Variants in MTF2 observed in about 807,000 individuals in gnomAD.
The protein encoded by MTF2 is metal-response element-binding transcription factor 2.
A neutral mutation model predicts 79.5 loss-of-function variants in MTF2; 11 were observed. The ratio of observed to expected loss-of-function variants is 0.14; its 90% CI spans 0.09 to 0.23. The LOEUF (loss-of-function observed/expected upper bound fraction) is 0.23, where lower values mean the gene tolerates loss of function less well. Ranked by LOEUF, MTF2 falls within the 10% of genes least tolerant of loss-of-function variation. The pLI is 1.00. For synonymous variants in MTF2, 208 were observed against 232.8 expected, an observed-to-expected ratio of 0.89 and a Z score of 0.97; for missense variants, 486 against 711.2, an observed-to-expected ratio of 0.68 and a Z score of 3.60.
intron 3 of MTF2, among the ~76,000 whole-genome samples, chr1:93,112,959 G>A (rs1159416659): frequency 1.3e-5 from 2 of 152,138 alleles, no homozygotes; most frequent in African/African-American, 2.4e-5. Flanking sequence ...CTCCCCTCGC[G>A]GGGCTGTTGT....
intron 11 of MTF2, among the ~76,000 whole-genome samples, chr1:93,132,509 C>T (rs1269704187): frequency 6.6e-6 from 1 of 152,050 alleles, no homozygotes; most frequent in African/African-American, 2.4e-5. Context: ...TAAGTTGTTC[C>T]TTTTAGTTTG....
chr1:93,127,245 C>A lies in MTF2; in HGVS notation c.935C>A (p.Pro312Gln). 6.2e-7 allele frequency: 1 copy of A among 1,612,008 alleles called. No homozygotes were observed. Among genetic ancestry groups the A allele is most frequent in the Non-Finnish European group, 8.5e-7 (1 of 1,178,436 alleles). ...GATACTTCACAGCTGGCAGACACAC[C>A]AAAATCTGAAAGATATGAGCATGTT... ...RLHPGELADT[P>Q]KSERYEHVLE... The change falls in exon 10 of 15, where the codon CCA becomes CAA. Residue 312 changes from proline to glutamine, a missense_variant. Transcript: ENST00000370298.
At position 93,136,542 on chromosome 1, in the gene MTF2, G is replaced by C. The variant is rs1424507891; in HGVS notation, c.1425-128G>C. 38 of 776,554 alleles carry C rather than the reference G, an allele frequency of 4.9e-5. No homozygotes were observed. The South Asian group carries it at 5.5e-4, about 11-fold the overall frequency. The allele number at this position is 776,554 out of a possible 1,614,324, so 48.1% of individuals were successfully genotyped here. A position where few individuals can be genotyped will look rare whatever the true frequency, so the allele number is the denominator to read the frequency against. ...CATTTATATAGCATTTATTGTTTGG[G>C]TTTGGCTCATTTTTATATCATCAAG... On this transcript the variant is annotated intron_variant, in intron 14 of 14. Coordinates refer to ENST00000370298, the MANE Select transcript of MTF2 (RefSeq NM_007358.4).
At chr1:93,114,838 T>G in intron 4 of MTF2, 55 bp downstream of exon 4, 2 of 1,417,284 alleles carry the variant, frequency 1.4e-6, no homozygotes, top group Non-Finnish European at 2.0e-6. Context: ...TGTTGAAGAT[T>G]AATGACTAAA....
chr1:93,096,307 C>T (rs1482696114), intron 1 of MTF2, among the ~76,000 whole-genome samples: 1 of 152,046 alleles, frequency 6.6e-6, no homozygotes, highest in African/African-American at 2.4e-5. Flanking sequence ...TCCTACTCTT[C>T]TCATTTTCAC....
intron 1 of MTF2, among the ~76,000 whole-genome samples, chr1:93,084,820 G>T (rs748386663): frequency 1.3e-5 from 2 of 152,116 alleles, no homozygotes; most frequent in Admixed American, 6.6e-5. Context: ...AGTGAACTAT[G>T]AGAGCTATGA....
At chr1:93,104,859 A>T (rs1196409838) in intron 1 of MTF2, among the ~76,000 whole-genome samples, 3 of 150,586 alleles carry the variant, frequency 2.0e-5, no homozygotes, top group African/African-American at 7.4e-5. Flanking sequence ...AGTGTGAATA[A>T]GAGACAGACA....
intron 9 of MTF2, among the ~76,000 whole-genome samples, chr1:93,124,223 C>T (rs1484498567): frequency 2.0e-5 from 3 of 151,922 alleles, no homozygotes; most frequent in Admixed American, 2.0e-4. Flanking sequence ...TTGAGTGTAG[C>T]TGTTTGAGGA....
intron 1 of MTF2, among the ~76,000 whole-genome samples, chr1:93,098,683 A>G (rs778977385): frequency 2.0e-5 from 3 of 152,234 alleles, no homozygotes; most frequent in Admixed American, 6.5e-5. Flanking sequence ...ACAAATGTAT[A>G]TATGTTGGTT....
chr1:93,125,267 T>C (rs1656646650), intron 9 of MTF2, among the ~76,000 whole-genome samples: 1 of 151,694 alleles, frequency 6.6e-6, no homozygotes, highest in African/African-American at 2.4e-5. Flanking sequence ...CCTTGGTTTC[T>C]TTTTTGATAT....
rs755739276 is a variant in MTF2 at position 93,136,743 on chromosome 1, A to G, written c.1498A>G (p.Arg500Gly). Residue 500 changes from arginine to glycine, a missense_variant, in exon 15 of 15, where the codon AGA (arginine) becomes GGA (glycine). Physicochemically the swap from Arg to Gly is moderately radical, Grantham distance 125. This residue lies in a region of MTF2 where 209 missense variants were observed against 206.5 expected (regional missense o/e 1.01). Transcript: ENST00000370298. Reference sequence around the variant, plus strand: ...TGCAATACCACATTTGCGGAGAAGAAGAGGTCGTCTTCCAAGAAGAGCACT... The same window carrying G: ...TGCAATACCACATTTGCGGAGAAGAGGAGGTCGTCTTCCAAGAAGAGCACT... ...PAAIPHLRRR[R>G]GRLPRRALQT... is the part of the protein sequence containing the mutation. 6.2e-7 allele frequency: 1 copy of G among 1,614,222 alleles called. No homozygotes were observed. The highest frequency in any genetic ancestry group is 1.7e-5 in the Admixed American group (1 of 60,036).
rs12062154 is a variant in MTF2 at position 93,138,579 on chromosome 1, T to C, written c.*1552T>C. The C allele has an allele frequency of 0.28, 42,545 of 152,148 alleles. 6,825 individuals carry two copies. Among genetic ancestry groups the C allele is most frequent in the African/African-American group, 0.43 (17,944 of 41,460 alleles). The allele number at this position is 152,148 out of a possible 1,614,324, so 9.4% of individuals were successfully genotyped here. A position where few individuals can be genotyped will look rare whatever the true frequency, so the allele number is the denominator to read the frequency against. ...TAGCCAAAAGAAGCAGAGAACTTCA[T>C]TGTCTGCATTTGGTTCCTGGTTGGC... On this transcript the variant is annotated 3_prime_UTR_variant, in exon 15 of 15. Coordinates refer to ENST00000370298, the MANE Select transcript of MTF2 (RefSeq NM_007358.4).
intron 5 of MTF2, 72 bp from the exon 6 acceptor site, chr1:93,115,395 AGTC>A: frequency 8.6e-7 from 1 of 1,166,144 alleles, no homozygotes; most frequent in Non-Finnish European, 1.2e-6. Flanking sequence ...GAAGTGTCAG[AGTC>A]GTTTTTAAAG....
At chr1:93,129,187 A>G in intron 10 of MTF2, 91 bp from the exon 11 acceptor site, 1 of 870,702 alleles carries the variant, frequency 1.1e-6, no homozygotes, top group Non-Finnish European at 1.6e-6. Context: ...GCTTTCAAGT[A>G]TAAGGGCCTT....
Position 93,079,386 on chromosome 1 carries a change from C to T in MTF2, c.-141C>T, listed in dbSNP as rs1654497925. On this transcript the variant is annotated 5_prime_UTR_variant, in exon 1 of 15. Transcript: ENST00000370298. ...ACCCCCAACCCTTGTCTCCAAGGAC[C>T]TCGGTTTGTGCGTGCATATGTGCCG... The T allele has an allele frequency of 2.9e-6, 3 of 1,037,296 alleles. No individual in the cohort carries two copies. In the East Asian group the frequency reaches 7.2e-5, roughly 25 times the overall value. 64.3% of individuals were successfully genotyped at this position (1,037,296 alleles called of 1,614,324 possible).
intron 9 of MTF2, among the ~76,000 whole-genome samples, chr1:93,126,122 A>G (rs1008118811): frequency 6.6e-6 from 1 of 150,872 alleles, no homozygotes; most frequent in Non-Finnish European, 1.5e-5. Flanking sequence ...TGGTGGTTTG[A>G]TATAGGGGAA....
At chr1:93,080,764 CTTT>C (rs34251431) in intron 1 of MTF2, among the ~76,000 whole-genome samples, 5 of 136,744 alleles carry the variant, frequency 3.7e-5, no homozygotes, top group Non-Finnish European at 4.8e-5. Flanking sequence ...TTGGGAATTC[CTTT>C]TTTTTTTTTT....
chr1:93,080,294 A>G (rs1654550469), intron 1 of MTF2, among the ~76,000 whole-genome samples: 1 of 152,206 alleles, frequency 6.6e-6, no homozygotes, highest in African/African-American at 2.4e-5. Flanking sequence ...AATTTTAACC[A>G]ATTTGCCAAG....
chr1:93,092,905 G>A (rs955865807), intron 1 of MTF2, among the ~76,000 whole-genome samples: 2 of 152,080 alleles, frequency 1.3e-5, no homozygotes, highest in East Asian at 1.9e-4. Context: ...TTTAGAGGCC[G>A]GGTGCGATGG....
Sources: gnomAD v4.1 joint callset for allele counts (sites outside exome capture counted in the v4.1 genomes callset) on GRCh38, gnomAD v4.1.1 for gene constraint, gnomAD v4.1.1 regional missense constraint, MANE v1.5 for transcripts, NCBI Gene and HGNC (gene_info 2026-07-23, HGNC 2026-07-21) for gene names.